The following IRAG2 variants were observed in gnomAD, a reference collection of about 807,000 sequenced individuals.
The protein encoded by IRAG2 is inositol 1,4,5-triphosphate receptor associated 2, also known as lymphoid restricted membrane protein.
Under a neutral mutation model 69.9 loss-of-function variants are expected in IRAG2, and 45 were observed. The observed-to-expected ratio is 0.64, with a 90% CI of 0.51 to 0.83. The LOEUF is 0.83. Ranked by LOEUF, IRAG2 falls within the 40% of genes least tolerant of loss-of-function variation. IRAG2 has a pLI of 0.00. For synonymous variants in IRAG2, 193 were observed against 202.4 expected, an observed-to-expected ratio of 0.95 and a Z score of 0.40; for missense variants, 520 against 587.0, an observed-to-expected ratio of 0.89 and a Z score of 1.18.
chr12:25,102,617 C>A (rs1270009115), intron 17 of IRAG2: 2 of 192,840 alleles, frequency 1.0e-5, no homozygotes, highest in African/African-American at 2.4e-5. Context: ...ACTTTAGATC[C>A]AGGCACCAAG....
chr12:25,065,692 T>TA (rs1348932798), intron 4 of IRAG2, among the ~76,000 whole-genome samples: 1 of 152,228 alleles, frequency 6.6e-6, no homozygotes, highest in African/African-American at 2.4e-5. Context: ...AAACTTTATT[T>TA]ATTTTTTGAG....
At chr12:25,072,283 C>T (rs974666406) in intron 6 of IRAG2, among the ~76,000 whole-genome samples, 6 of 152,170 alleles carry the variant, frequency 3.9e-5, no homozygotes, top group African/African-American at 1.4e-4. Context: ...CAGTCACATG[C>T]TCCTGTAAGT....
chr12:25,036,888 T>A, intron 15 of IRAG2, among the ~76,000 whole-genome samples: 1 of 152,118 alleles, frequency 6.6e-6, no homozygotes, highest in African/African-American at 2.4e-5. Context: ...TGTGCAGATA[T>A]GTGAGATGTG....
intron 4 of IRAG2, chr12:25,015,334 C>T: frequency 3.2e-6 from 4 of 1,231,346 alleles, no homozygotes; most frequent in Non-Finnish European, 4.1e-6. Flanking sequence ...TCATAAAACT[C>T]TTGTATGTGT....
chr12:25,099,505 T>C (rs1421440862), intron 15 of IRAG2, among the ~76,000 whole-genome samples: 12 of 152,204 alleles, frequency 7.9e-5, no homozygotes, highest in Admixed American at 5.2e-4. Context: ...TAAGCCTCCA[T>C]TCTGTTTTGT....
chr12:25,061,877 A>G (rs192706063), intron 2 of IRAG2, among the ~76,000 whole-genome samples: 1 of 152,214 alleles, frequency 6.6e-6, no homozygotes, highest in Non-Finnish European at 1.5e-5. Context: ...AATATCTTCT[A>G]GAGAGGAAGC....
rs374850175 is a variant in IRAG2, at chr12:25,103,978, ATTTCT to A, written c.997-27_997-23del. 105 of 1,608,130 alleles carry A rather than the reference ATTTCT, an allele frequency of 6.5e-5. No homozygotes were observed. In the East Asian group the frequency reaches 1.7e-3, roughly 26 times the overall value. Reference sequence around the variant, plus strand: ...AGAAAATATAAACGTATATTTTATCATTTCTTTTAACATTTGAACTTCTACTAAAG... The same window carrying A: ...AGAAAATATAAACGTATATTTTATCATTTAACATTTGAACTTCTACTAAAG... On this transcript the variant is annotated intron_variant, in intron 18 of 21. Coordinates refer to ENST00000556887, the MANE Select transcript of IRAG2 (RefSeq NM_001366544.2).
At chr12:25,054,749 T>C (rs905672514) in intron 1 of IRAG2, among the ~76,000 whole-genome samples, 1 of 152,200 alleles carries the variant, frequency 6.6e-6, no homozygotes, top group Non-Finnish European at 1.5e-5. Context: ...AAAAAACCCA[T>C]ACAAATCAGG....
At chr12:25,026,700 T>G in intron 8 of IRAG2, 10 of 525,812 alleles carry the variant, frequency 1.9e-5, no homozygotes, top group South Asian at 1.0e-4. Context: ...CTGAGAGTGA[T>G]GAAATACCAC....
upstream of IRAG2, among the ~76,000 whole-genome samples, chr12:24,999,504 A>C (rs1470711493): frequency 5.9e-5 from 9 of 152,238 alleles, no homozygotes; most frequent in African/African-American, 1.9e-4. Context: ...AATAGGAGGA[A>C]TAAAAAAGAT....
At chr12:25,102,052 T>A in intron 16 of IRAG2, 146 bp from the exon 17 acceptor site, 1 of 709,420 alleles carries the variant, frequency 1.4e-6, no homozygotes, top group Non-Finnish European at 2.6e-6. Context: ...ATGAAATGAA[T>A]GATAAACAGA....
At chr12:25,095,211 A>G (rs961168832) in intron 14 of IRAG2, among the ~76,000 whole-genome samples, 13 of 152,122 alleles carry the variant, frequency 8.5e-5, no homozygotes, top group Non-Finnish European at 1.9e-4. Context: ...TAGGGTTTTC[A>G]TATATAACTT....
rs755949382 is a variant in IRAG2, at chr12:25,107,968, G to C, written c.1408G>C (p.Ala470Pro). 2 of 1,614,092 alleles carry C rather than the reference G, an allele frequency of 1.2e-6. No homozygotes were observed. Among genetic ancestry groups the C allele is most frequent in the South Asian group, 1.1e-5 (1 of 91,078 alleles). ...ATTATTCCAGAAGTCTGTGGATGCC[G>C]CTCCCACACAGCAAGAGGACTCATG... ...GQLFQKSVDA[A>P]PTQQEDSWTS... is the part of the protein sequence containing the mutation. The change falls in exon 22 of 22, where the codon GCT becomes CCT. Residue 470 changes from alanine (A) to proline (P), a missense_variant. Ala to Pro is a conservative substitution (Grantham distance 27). Coordinates refer to ENST00000556887, the MANE Select transcript of IRAG2 (RefSeq NM_001366544.2).
At chr12:25,042,108 G>A (rs1176458728) in intron 16 of IRAG2, among the ~76,000 whole-genome samples, 6 of 152,076 alleles carry the variant, frequency 3.9e-5, no homozygotes, top group Admixed American at 6.6e-5. Context: ...GTGTGGGTCA[G>A]GGTAATAGTC....
At chr12:25,021,278 A>C (rs1591927519) in intron 7 of IRAG2, among the ~76,000 whole-genome samples, 1 of 150,766 alleles carries the variant, frequency 6.6e-6, no homozygotes, top group African/African-American at 2.4e-5. Context: ...CCTCCTTTTC[A>C]ATCAAGATTT....
chr12:25,081,326 T>G (rs2140116630), intron 9 of IRAG2, among the ~76,000 whole-genome samples: 1 of 152,276 alleles, frequency 6.6e-6, no homozygotes, highest in East Asian at 1.9e-4. Context: ...TAGCCAGGCG[T>G]GGTGGCGGGC....
intron 9 of IRAG2, chr12:25,026,940 C>A: frequency 7.6e-6 from 5 of 661,636 alleles, no homozygotes; most frequent in Non-Finnish European, 1.1e-5. Context: ...AATGTCTATG[C>A]CTCATTGACA....
chr12:25,055,191 G>A (rs1298057779), intron 1 of IRAG2, among the ~76,000 whole-genome samples: 1 of 152,132 alleles, frequency 6.6e-6, no homozygotes, highest in African/African-American at 2.4e-5. Context: ...ACTACAACTG[G>A]AAATTTATAT....
upstream of IRAG2, among the ~76,000 whole-genome samples, chr12:25,050,443 C>T (rs922704627): frequency 6.7e-6 from 1 of 150,016 alleles, no homozygotes; most frequent in African/African-American, 2.4e-5. Flanking sequence ...GCAGGGGAAT[C>T]GCTTCAACCC....
Sources: gnomAD v4.1 joint callset for allele counts (sites outside exome capture counted in the v4.1 genomes callset) on GRCh38, gnomAD v4.1.1 for gene constraint, MANE v1.5 for transcripts, NCBI Gene and HGNC (gene_info 2026-07-23, HGNC 2026-07-21) for gene names.